APP: variants seen among roughly 807,000 people sequenced by gnomAD.
APP encodes amyloid-beta precursor protein.
Under a neutral mutation model 101.4 loss-of-function variants are expected in APP, and 31 were observed. The observed-to-expected ratio is 0.31, with a 90% confidence interval of 0.23 to 0.41. The LOEUF (loss-of-function observed/expected upper bound fraction) is 0.41, where lower values mean the gene tolerates loss of function less well. Among genes scored for constraint, APP ranks in the 10% least tolerant of loss-of-function variants. APP has a pLI of 1.00. For synonymous variants in APP, 366 were observed against 364.4 expected, an observed-to-expected ratio of 1.00 and a Z score of -0.05; for missense variants, 839 against 1,003.7, an observed-to-expected ratio of 0.84 and a Z score of 2.22.
At chr21:25,963,717 GTC>G (rs1192578279) in intron 11 of APP, among the ~76,000 whole-genome samples, 2 of 152,156 alleles carry the variant, frequency 1.3e-5, no homozygotes, top group South Asian at 2.1e-4. Flanking sequence ...AGAGAGTTAA[GTC>G]TCTCTGTGCT....
At chr21:26,079,506 A>C (rs757725844) in intron 3 of APP, among the ~76,000 whole-genome samples, 1 of 152,234 alleles carries the variant, frequency 6.6e-6, no homozygotes, top group Non-Finnish European at 1.5e-5. Context: ...CAGATCAGAC[A>C]TAACAGTATT....
At chr21:26,013,063 T>G (rs1038839328) in intron 6 of APP, among the ~76,000 whole-genome samples, 1 of 151,792 alleles carries the variant, frequency 6.6e-6, no homozygotes, top group Non-Finnish European at 1.5e-5. Context: ...ACACCTGTAA[T>G]GCTAGCACTT....
chr21:26,049,653 T>A (rs1487088411), intron 5 of APP, among the ~76,000 whole-genome samples: 1 of 152,188 alleles, frequency 6.6e-6, no homozygotes, highest in Non-Finnish European at 1.5e-5. Flanking sequence ...TTTTCCTAGC[T>A]ATGGAGAATT....
Position 26,051,147 on chromosome 21 carries a change from A to T in APP, c.515T>A (p.Leu172Gln), listed in dbSNP as rs2045821993. The change falls in exon 5 of 18, where the codon CTG (leucine) becomes CAG (glutamine). Residue 172 changes from leucine (L) to glutamine (Q), a missense_variant. By Grantham distance (113) the Leu-to-Gln change is moderately radical. Transcript: ENST00000346798. The part of the protein sequence containing the change: ...STNLHDYGML[L>Q]PCGIDKFRGV... ...TCGGAACTTGTCAATTCCGCAGGGC[A>T]GCAACATGCCGTAGTCATGCAAGTT... 2 of 1,614,022 alleles carry T rather than the reference A, an allele frequency of 1.2e-6. No individual in the cohort carries two copies.
At chr21:26,095,103 CAA>C (rs2061912432) in intron 2 of APP, among the ~76,000 whole-genome samples, 1 of 152,176 alleles carries the variant, frequency 6.6e-6, no homozygotes, top group Non-Finnish European at 1.5e-5. Flanking sequence ...CTTGGCCTCC[CAA>C]AGTGTTGGGA....
At chr21:26,076,319 AC>A (rs1193949302) in intron 3 of APP, among the ~76,000 whole-genome samples, 5 of 152,084 alleles carry the variant, frequency 3.3e-5, no homozygotes, top group Non-Finnish European at 7.4e-5. Context: ...CCATCTCCCT[AC>A]CTCCTATGCT....
At chr21:26,004,532 TC>T (rs1022016944) in intron 6 of APP, among the ~76,000 whole-genome samples, 32 of 152,260 alleles carry the variant, frequency 2.1e-4, no homozygotes, top group African/African-American at 7.2e-4. Context: ...GACCTCATGA[TC>T]CGCCTGCCTT....
intron 17 of APP, among the ~76,000 whole-genome samples, chr21:25,884,973 A>G (rs192047956): frequency 5.4e-4 from 82 of 152,362 alleles, no homozygotes; most frequent in African/African-American, 1.9e-3. Flanking sequence ...TGCACAATCC[A>G]GACCTCTAAC....
chr21:26,047,060 C>T (rs1444337972), intron 5 of APP, among the ~76,000 whole-genome samples: 1 of 152,136 alleles, frequency 6.6e-6, no homozygotes, highest in Non-Finnish European at 1.5e-5. Context: ...CATTACAACA[C>T]TGGAGAAAAA....
intron 13 of APP, among the ~76,000 whole-genome samples, chr21:25,949,297 G>A (rs543507895): frequency 6.6e-6 from 1 of 152,158 alleles, no homozygotes; most frequent in Non-Finnish European, 1.5e-5. Flanking sequence ...ATTAAATCAA[G>A]TAGATGACCA....
intron 1 of APP, among the ~76,000 whole-genome samples, chr21:26,153,615 C>T (rs1021836034): frequency 2.6e-5 from 4 of 152,146 alleles, no homozygotes; most frequent in African/African-American, 9.7e-5. Context: ...CAGCCAATAT[C>T]CTTGTACTTT....
intron 5 of APP, among the ~76,000 whole-genome samples, chr21:26,037,300 T>C (rs1026195178): frequency 1.3e-5 from 2 of 152,144 alleles, no homozygotes; most frequent in African/African-American, 2.4e-5. Flanking sequence ...TCTAGTGCTC[T>C]ACAGCACTGT....
At chr21:25,944,153 C>T (rs1396032546) in intron 13 of APP, among the ~76,000 whole-genome samples, 1 of 152,138 alleles carries the variant, frequency 6.6e-6, no homozygotes, top group African/African-American at 2.4e-5. Flanking sequence ...TATGTAAATA[C>T]ATAATAATTA....
intron 6 of APP, among the ~76,000 whole-genome samples, chr21:26,016,936 GCGGGGGGCGGGGGGC>G (rs1457240425): frequency 0.013 from 102 of 7,604 alleles, 3 homozygotes; most frequent in Non-Finnish European, 0.034. Flanking sequence ...TTTGTGGGGG[GCGGGGGGCGGGGGGC>G]GGGGGGTGCC....
intron 2 of APP, among the ~76,000 whole-genome samples, chr21:26,102,990 A>C (rs565482732): frequency 2.0e-5 from 3 of 152,166 alleles, no homozygotes; most frequent in African/African-American, 7.2e-5. Context: ...TCTAGTATAA[A>C]TAACAGAGGA....
At chr21:25,889,959 T>C (rs897862353) in intron 17 of APP, among the ~76,000 whole-genome samples, 1 of 152,244 alleles carries the variant, frequency 6.6e-6, no homozygotes, top group Non-Finnish European at 1.5e-5. Flanking sequence ...AAGACATCTT[T>C]ATTTGCTCAA....
At chr21:25,882,311 G>C (rs888556830) in intron 17 of APP, among the ~76,000 whole-genome samples, 3 of 150,464 alleles carry the variant, frequency 2.0e-5, no homozygotes, top group Non-Finnish European at 2.9e-5. Context: ...AAATGTTAAG[G>C]AGAGGTTTGA....
chr21:26,120,966 T>C (rs1483723899), intron 1 of APP, among the ~76,000 whole-genome samples: 1 of 116,326 alleles, frequency 8.6e-6, no homozygotes, highest in Non-Finnish European at 1.7e-5. Flanking sequence ...ACAAAAGCAG[T>C]GAGGGCTCTT....
intron 15 of APP, 58 bp downstream of exon 15, chr21:25,904,966 C>G: frequency 6.2e-6 from 9 of 1,446,208 alleles, no homozygotes; most frequent in Non-Finnish European, 8.7e-6. Flanking sequence ...AAGGAGACAA[C>G]GTCTGCTCGA....
Sources: gnomAD v4.1 joint callset for allele counts (sites outside exome capture counted in the v4.1 genomes callset) on GRCh38, gnomAD v4.1.1 for gene constraint, MANE v1.5 for transcripts, NCBI Gene and HGNC (gene_info 2026-07-23, HGNC 2026-07-21) for gene names.